RALGPS2: variants seen among roughly 807,000 people sequenced by gnomAD.
The protein encoded by RALGPS2 is Ral GEF with PH domain and SH3 binding motif 2.
Under a neutral mutation model 86.8 loss-of-function variants are expected in RALGPS2, and 43 were observed. That is an observed-to-expected ratio of 0.50 (90% CI 0.39 to 0.64). The LOEUF (loss-of-function observed/expected upper bound fraction) is 0.64, where lower values mean the gene tolerates loss of function less well. Ranked by LOEUF, RALGPS2 falls within the 30% of genes least tolerant of loss-of-function variation. The pLI is 0.00. For synonymous variants in RALGPS2, 243 were observed against 231.3 expected (o/e 1.05, Z -0.46); for missense variants, 536 against 694.6 (o/e 0.77, Z 2.57).
chr1:178,792,343 A>G (rs1653994152), intron 4 of RALGPS2, among the ~76,000 whole-genome samples: 1 of 152,196 alleles, frequency 6.6e-6, no homozygotes, highest in Admixed American at 6.5e-5. Context: ...TGAGAAACCA[A>G]AAATTCAGCC....
At chr1:178,848,484 T>C (rs941044707) in intron 8 of RALGPS2, among the ~76,000 whole-genome samples, 3 of 152,148 alleles carry the variant, frequency 2.0e-5, no homozygotes, top group Non-Finnish European at 2.9e-5. Flanking sequence ...AACCTGGTCT[T>C]TCACAAGACT....
chr1:178,839,010 T>C (rs1054856622), intron 8 of RALGPS2, among the ~76,000 whole-genome samples: 2 of 152,158 alleles, frequency 1.3e-5, no homozygotes, highest in Non-Finnish European at 2.9e-5. Flanking sequence ...AATGGGACTA[T>C]GTGAAAAGAC....
chr1:178,841,136 C>T (rs1656584141), intron 8 of RALGPS2, among the ~76,000 whole-genome samples: 1 of 152,244 alleles, frequency 6.6e-6, no homozygotes, highest in Admixed American at 6.5e-5. Context: ...GGGAATCCTC[C>T]CTAACTCATT....
intron 8 of RALGPS2, among the ~76,000 whole-genome samples, chr1:178,872,572 T>C (rs1385242283): frequency 6.6e-6 from 1 of 152,246 alleles, no homozygotes; most frequent in South Asian, 2.1e-4. Flanking sequence ...CCTGTAATAC[T>C]TCCTGATTTT....
At chr1:178,880,194 T>C (rs1465117022) in intron 10 of RALGPS2, among the ~76,000 whole-genome samples, 6 of 152,208 alleles carry the variant, frequency 3.9e-5, no homozygotes, top group African/African-American at 1.4e-4. Flanking sequence ...TACATAGAAA[T>C]ATTTTTTATC....
intron 8 of RALGPS2, among the ~76,000 whole-genome samples, chr1:178,859,854 C>G (rs1487489221): frequency 8.4e-6 from 1 of 119,480 alleles, no homozygotes; most frequent in Non-Finnish European, 1.7e-5. Flanking sequence ...GTAGCTGGGA[C>G]TACAGGCGCC....
Position 178,855,578 on chromosome 1 carries a change from T to C in RALGPS2, c.608-21920T>C, listed in dbSNP as rs140339474. The stretch of plus-strand genomic sequence containing the variant: ...TATTTATGGTGTCTTTCCTGCGTTA[T>C]ATTTATTTTAGGTATTGTATTTTTT... On this transcript the variant is annotated intron_variant, in intron 8 of 19. Coordinates refer to ENST00000367635, the MANE Select transcript of RALGPS2 (RefSeq NM_152663.5). Among the ~76,000 whole-genome samples, 5 of 152,092 alleles carry C rather than the reference T, an allele frequency of 3.3e-5. No individual in the cohort carries two copies. The East Asian group carries it at 9.6e-4, about 29-fold the overall frequency.
intron 13 of RALGPS2, among the ~76,000 whole-genome samples, chr1:178,886,874 A>G (rs1659507172): frequency 6.6e-6 from 1 of 152,118 alleles, no homozygotes; most frequent in Non-Finnish European, 1.5e-5. Flanking sequence ...AGAACAAGAG[A>G]GCTAAGATGA....
intron 8 of RALGPS2, among the ~76,000 whole-genome samples, chr1:178,871,778 TTAAAAACAAACA>T (rs2102352883): frequency 6.6e-6 from 1 of 152,284 alleles, no homozygotes; most frequent in Admixed American, 6.5e-5. Flanking sequence ...GTGGTGTGGT[TTAAAAACAAACA>T]TAACCCTGAA....
intron 10 of RALGPS2, among the ~76,000 whole-genome samples, chr1:178,881,222 C>T (rs1480383400): frequency 6.6e-6 from 1 of 152,064 alleles, no homozygotes; most frequent in Non-Finnish European, 1.5e-5. Context: ...GGGGACCTAA[C>T]CTAGCTTTAC....
At chr1:178,839,955 C>T (rs1010394095) in intron 8 of RALGPS2, among the ~76,000 whole-genome samples, 38 of 152,180 alleles carry the variant, frequency 2.5e-4, no homozygotes, top group Non-Finnish European at 5.4e-4. Context: ...AGCTAACTAT[C>T]CTAAATATAT....
At chr1:178,874,243 T>A (rs1294878501) in intron 8 of RALGPS2, among the ~76,000 whole-genome samples, 1 of 152,224 alleles carries the variant, frequency 6.6e-6, no homozygotes, top group Non-Finnish European at 1.5e-5. Flanking sequence ...CGTAGTTCTT[T>A]TTTAAAGTAG....
At chr1:178,744,346 A>C (rs1651191058) in intron 1 of RALGPS2, among the ~76,000 whole-genome samples, 1 of 152,190 alleles carries the variant, frequency 6.6e-6, no homozygotes, top group Admixed American at 6.5e-5. Flanking sequence ...TTAGAAAGGA[A>C]ATTCTTCAGC....
chr1:178,845,936 TATC>T (rs1213431158), intron 8 of RALGPS2, among the ~76,000 whole-genome samples: 6 of 152,330 alleles, frequency 3.9e-5, no homozygotes, highest in African/African-American at 1.4e-4. Context: ...GTGGTGTCCT[TATC>T]ATAGTTAATG....
chr1:178,893,725 A>G (rs1659817074), intron 15 of RALGPS2, 194 bp from the exon 16 acceptor site: 2 of 438,978 alleles, frequency 4.6e-6, no homozygotes, highest in South Asian at 8.1e-5. Context: ...GCTGACTTTA[A>G]TAACTTTCTA....
At chr1:178,829,679 A>G (rs545616788) in intron 7 of RALGPS2, among the ~76,000 whole-genome samples, 20 of 152,306 alleles carry the variant, frequency 1.3e-4, no homozygotes, top group African/African-American at 4.8e-4. Context: ...TATAGTTAAT[A>G]AGACTATGTT....
In RALGPS2 at chr1:178,801,538, A is replaced by T. The variant is rs60070265; in HGVS notation, c.214-6507A>T. Among the ~76,000 whole-genome samples the T allele has an allele frequency of 1.0e-2, 1,517 of 152,250 alleles. 19 individuals carry two copies. Among genetic ancestry groups the T allele is most frequent in the African/African-American group, 0.031 (1,297 of 41,566 alleles). On this transcript the variant is annotated intron_variant, in intron 4 of 19. Transcript: ENST00000367635. ...GTGGCTTCATTTTTACATTAAAAAA[A>T]TTTTTTAATACTTTTCTGACTCCTC...
chr1:178,865,929 C>A, intron 8 of RALGPS2: 1 of 537,150 alleles, frequency 1.9e-6, no homozygotes, highest in Admixed American at 3.7e-5. Flanking sequence ...ATAGATTAGG[C>A]TAGAATTAAC....
At position 178,919,848 on chromosome 1, in the gene RALGPS2, CAG is replaced by C. The variant is rs908791768; in HGVS notation, c.*3491_*3492del. ...AACAAGGGGTGCCAGTGTTGCCTAA[CAG>C]AAGATAATCTTTAATAAAGCAAATC... On this transcript the variant is annotated 3_prime_UTR_variant, in exon 20 of 20. Transcript: ENST00000367635. The C allele has an allele frequency of 1.3e-5, 2 of 151,944 alleles. No individual in the cohort carries two copies. Among genetic ancestry groups the C allele is most frequent in the African/African-American group, 4.8e-5 (2 of 41,408 alleles). The allele number at this position is 151,944 out of a possible 1,614,324, so 9.4% of individuals were successfully genotyped here. A position where few individuals can be genotyped will look rare whatever the true frequency, so the allele number is the denominator to read the frequency against.
Sources: gnomAD v4.1 joint callset for allele counts (sites outside exome capture counted in the v4.1 genomes callset) on GRCh38, gnomAD v4.1.1 for gene constraint, MANE v1.5 for transcripts, NCBI Gene and HGNC (gene_info 2026-07-23, HGNC 2026-07-21) for gene names.